VWA8: variants seen among roughly 807,000 people sequenced by gnomAD.
The protein encoded by VWA8 is von Willebrand factor A domain-containing protein 8.
In VWA8, 221 loss-of-function variants were observed where a neutral mutation model predicts 241.5. That is an observed-to-expected ratio of 0.91 (90% CI 0.82 to 1.02). The LOEUF (loss-of-function observed/expected upper bound fraction) is 1.02, where lower values mean the gene tolerates loss of function less well. Ranked by LOEUF, VWA8 falls within the 50% of genes least tolerant of loss-of-function variation. The probability of loss-of-function intolerance (pLI) is 0.00; values close to 1 mark genes in which losing one functional copy is unlikely to be tolerated. For missense variants in VWA8, 2,322 were observed against 2,328.7 expected, an observed-to-expected ratio of 1.00 and a Z score of 0.06; for synonymous variants, 852 against 827.1, an observed-to-expected ratio of 1.03 and a Z score of -0.52.
intron 2 of VWA8, among the ~76,000 whole-genome samples, chr13:41,922,221 G>C (rs1213353852): frequency 6.6e-6 from 1 of 152,174 alleles, no homozygotes; most frequent in East Asian, 1.9e-4. Context: ...TAGGAAAACT[G>C]GCTAGCCACA....
intron 37 of VWA8, among the ~76,000 whole-genome samples, chr13:41,657,741 G>A (rs991800794): frequency 1.1e-4 from 17 of 151,152 alleles, no homozygotes; most frequent in African/African-American, 1.9e-4. Context: ...TACCCGCCTC[G>A]GCCTCCCAAA....
At chr13:41,931,017 C>T (rs1487778529) in intron 2 of VWA8, among the ~76,000 whole-genome samples, 5 of 151,732 alleles carry the variant, frequency 3.3e-5, no homozygotes, top group Non-Finnish European at 4.4e-5. Context: ...GGCATGGTGG[C>T]GCACGCCTGT....
chr13:41,788,811 T>C (rs1194493290), intron 17 of VWA8, among the ~76,000 whole-genome samples: 1 of 152,182 alleles, frequency 6.6e-6, no homozygotes, highest in Non-Finnish European at 1.5e-5. Flanking sequence ...ACACCCTGAC[T>C]GGCATTGACT....
chr13:41,866,263 C>T (rs565437121), intron 10 of VWA8, among the ~76,000 whole-genome samples: 110 of 151,938 alleles, frequency 7.2e-4, no homozygotes, highest in Middle Eastern at 3.4e-3. Flanking sequence ...GTAGGAGAAT[C>T]GCTTGAACCC....
At chr13:41,883,272 T>G (rs1456772784) in intron 9 of VWA8, 115 bp downstream of exon 9, 8 of 726,652 alleles carry the variant, frequency 1.1e-5, no homozygotes, top group Non-Finnish European at 1.6e-5. Flanking sequence ...AGGAAAGAAA[T>G]AAGGATGGGG....
chr13:41,708,162 A>T (rs2045294256), intron 26 of VWA8, among the ~76,000 whole-genome samples: 1 of 152,090 alleles, frequency 6.6e-6, no homozygotes, highest in Non-Finnish European at 1.5e-5. Context: ...GTTCGAGACC[A>T]GCCTGACCAA....
chr13:41,681,374 A>G (rs1235616749), intron 35 of VWA8, among the ~76,000 whole-genome samples: 2 of 152,184 alleles, frequency 1.3e-5, no homozygotes, highest in Non-Finnish European at 2.9e-5. Context: ...CCATTTTCTA[A>G]CAAATGTCAT....
chr13:41,877,377 C>T (rs1005352766), intron 9 of VWA8, among the ~76,000 whole-genome samples: 2 of 151,576 alleles, frequency 1.3e-5, no homozygotes, highest in African/African-American at 2.4e-5. Context: ...TTGACCAGAG[C>T]TAGTCATCAT....
chr13:41,637,668 T>C (rs2044768364), intron 37 of VWA8, among the ~76,000 whole-genome samples: 1 of 152,196 alleles, frequency 6.6e-6, no homozygotes, highest in South Asian at 2.1e-4. Context: ...GTAATTGGTA[T>C]GTACATTTAT....
chr13:41,800,294 G>A (rs1869891702), intron 17 of VWA8, among the ~76,000 whole-genome samples: 1 of 152,116 alleles, frequency 6.6e-6, no homozygotes, highest in Non-Finnish European at 1.5e-5. Flanking sequence ...TCCTAGGAGT[G>A]GAACTGTAAC....
chr13:41,731,598 T>C (rs2045483972), intron 22 of VWA8, among the ~76,000 whole-genome samples: 1 of 152,196 alleles, frequency 6.6e-6, no homozygotes, highest in Non-Finnish European at 1.5e-5. Context: ...ATGAATGCTT[T>C]CCAGTTAGGC....
intron 9 of VWA8, among the ~76,000 whole-genome samples, chr13:41,873,975 G>C (rs1319565041): frequency 6.6e-6 from 1 of 152,118 alleles, no homozygotes; most frequent in African/African-American, 2.4e-5. Flanking sequence ...ATATCAAAAA[G>C]CTTATTCACC....
chr13:41,642,915 C>A (rs2044806401), intron 37 of VWA8, among the ~76,000 whole-genome samples: 1 of 151,728 alleles, frequency 6.6e-6, no homozygotes, highest in South Asian at 2.1e-4. Flanking sequence ...GGCAATGGAG[C>A]AACACTCTGA....
chr13:41,607,698 T>C (rs555275764), intron 39 of VWA8, among the ~76,000 whole-genome samples: 12 of 152,302 alleles, frequency 7.9e-5, no homozygotes, highest in African/African-American at 2.6e-4. Context: ...TAGCGCATTA[T>C]GGATACGACT....
Position 41,605,280 on chromosome 13 carries a change from A to T in VWA8, c.4878-4T>A, listed in dbSNP as rs1194962072. ...ACTCATTTGGATCTCCTTTAGCCTG[A>T]AATCAGAAGAGTATAAAAAGTTAAC... On this transcript the variant is annotated splice_region_variant and splice_polypyrimidine_tract_variant and intron_variant, in intron 39 of 44. Transcript: ENST00000379310. 1 of 1,612,304 alleles carries T rather than the reference A, an allele frequency of 6.2e-7. No homozygotes were observed. The highest frequency in any genetic ancestry group is 8.5e-7 in the Non-Finnish European group (1 of 1,178,974).
At chr13:41,697,200 TGTTG>T (rs2045220812) in intron 29 of VWA8, among the ~76,000 whole-genome samples, 1 of 150,326 alleles carries the variant, frequency 6.7e-6, no homozygotes, top group African/African-American at 2.4e-5. Context: ...TTGGAAATCC[TGTTG>T]GTTCTACCTT....
intron 12 of VWA8, among the ~76,000 whole-genome samples, chr13:41,848,679 CTG>C (rs1448754943): frequency 6.6e-5 from 10 of 152,194 alleles, no homozygotes; most frequent in Admixed American, 5.9e-4. Context: ...CAATGTAGAT[CTG>C]TGAGTCAATT....
At chr13:41,857,259 T>A (rs1872792805) in intron 12 of VWA8, among the ~76,000 whole-genome samples, 1 of 152,214 alleles carries the variant, frequency 6.6e-6, no homozygotes, top group African/African-American at 2.4e-5. Flanking sequence ...TATTTATTTT[T>A]AAAAATGAAG....
chr13:41,887,399 G>T, intron 5 of VWA8, 38 bp from the exon 6 acceptor site: 1 of 1,582,034 alleles, frequency 6.3e-7, no homozygotes. Context: ...TAGCATAAAT[G>T]ATACAAATCA....
Sources: allele counts gnomAD v4.1 joint callset (sites outside exome capture counted in the v4.1 genomes callset), GRCh38; gene constraint gnomAD v4.1.1; transcripts MANE v1.5; gene names NCBI Gene and HGNC (gene_info 2026-07-23, HGNC 2026-07-21).